The following CLOCK variants were observed in gnomAD, a reference collection of about 807,000 sequenced individuals.
CLOCK encodes circadian locomoter output cycles protein kaput.
CLOCK carries 43 observed loss-of-function variants against 118.4 expected under a neutral mutation model. The observed-to-expected ratio is 0.36, with a 90% CI of 0.28 to 0.47. The LOEUF is 0.47. CLOCK is among the 20% of genes least tolerant of loss of function. The probability of loss-of-function intolerance (pLI) is 1.00; values close to 1 mark genes in which losing one functional copy is unlikely to be tolerated. For missense variants in CLOCK, 846 were observed against 999.9 expected (o/e 0.85, Z 2.08); for synonymous variants, 326 against 339.2 (o/e 0.96, Z 0.43).
intron 1 of CLOCK, among the ~76,000 whole-genome samples, chr4:55,513,211 T>A (rs1729275622): frequency 6.6e-6 from 1 of 152,152 alleles, no homozygotes; most frequent in Non-Finnish European, 1.5e-5. Flanking sequence ...TTTACATTCC[T>A]TTTCTACATT....
At chr4:55,466,572 T>C (rs757288701) in intron 8 of CLOCK, among the ~76,000 whole-genome samples, 3 of 152,270 alleles carry the variant, frequency 2.0e-5, no homozygotes, top group Non-Finnish European at 4.4e-5. Flanking sequence ...TAAATTATGA[T>C]GTGACCTATC....
chr4:55,546,572 G>A (rs1731652263), intron 1 of CLOCK: 1 of 151,764 alleles, frequency 6.6e-6, no homozygotes, highest in African/African-American at 2.4e-5. Context: ...CTGTGTCCAG[G>A]AGGCGCCGCG....
intron 2 of CLOCK, among the ~76,000 whole-genome samples, chr4:55,507,273 A>C (rs1327897609): frequency 6.6e-6 from 1 of 152,002 alleles, no homozygotes; most frequent in Non-Finnish European, 1.5e-5. Flanking sequence ...ATGCCACTGC[A>C]CTCTGGCGTG....
chr4:55,460,942 G>A (rs1427390557), intron 9 of CLOCK, among the ~76,000 whole-genome samples: 1 of 91,270 alleles, frequency 1.1e-5, no homozygotes, highest in Middle Eastern at 4.9e-3. Context: ...TTTTTTTTTT[G>A]AGACAAAGTC....
chr4:55,511,122 G>A (rs901495985), intron 1 of CLOCK, among the ~76,000 whole-genome samples: 2 of 152,164 alleles, frequency 1.3e-5, no homozygotes, highest in Non-Finnish European at 2.9e-5. Flanking sequence ...ATCATCAAGC[G>A]TCCATTGTGC....
At chr4:55,462,323 A>G (rs1269666816) in intron 9 of CLOCK, among the ~76,000 whole-genome samples, 1 of 152,076 alleles carries the variant, frequency 6.6e-6, no homozygotes, top group Non-Finnish European at 1.5e-5. Context: ...GTCTCGCTCT[A>G]TCGCCCAGGC....
At chr4:55,546,099 T>C (rs749648637) in intron 1 of CLOCK, among the ~76,000 whole-genome samples, 53 of 152,112 alleles carry the variant, frequency 3.5e-4, no homozygotes, top group Non-Finnish European at 5.3e-4. Flanking sequence ...CGGCGCCCCA[T>C]TGGGCGCTGC....
chr4:55,534,136 GTAAT>G (rs1347658250), intron 1 of CLOCK, among the ~76,000 whole-genome samples: 18 of 152,100 alleles, frequency 1.2e-4, no homozygotes, highest in African/African-American at 3.9e-4. Flanking sequence ...CAGCACTGAA[GTAAT>G]TAATAATTAC....
intron 7 of CLOCK, among the ~76,000 whole-genome samples, chr4:55,475,754 TC>T (rs1490454767): frequency 1.3e-5 from 2 of 152,130 alleles, no homozygotes; most frequent in East Asian, 3.9e-4. Flanking sequence ...TTAGGTATGA[TC>T]AGTATTTTTT....
intron 13 of CLOCK, among the ~76,000 whole-genome samples, chr4:55,455,163 T>C (rs1724829207): frequency 6.6e-6 from 1 of 152,132 alleles, no homozygotes; most frequent in African/African-American, 2.4e-5. Context: ...GGTAAGCATC[T>C]GGGAGGAGGA....
At chr4:55,440,747 G>C (rs1314120629) in intron 21 of CLOCK, among the ~76,000 whole-genome samples, 1 of 152,140 alleles carries the variant, frequency 6.6e-6, no homozygotes, top group Non-Finnish European at 1.5e-5. Flanking sequence ...AATGTGATAA[G>C]AATATTTTCT....
intron 6 of CLOCK, among the ~76,000 whole-genome samples, chr4:55,478,609 A>G (rs1012560199): frequency 6.6e-6 from 1 of 152,170 alleles, no homozygotes; most frequent in Non-Finnish European, 1.5e-5. Context: ...CAGGACTGTT[A>G]CCCTGCATCA....
intron 4 of CLOCK, among the ~76,000 whole-genome samples, chr4:55,481,760 T>C (rs956888044): frequency 4.6e-5 from 7 of 152,230 alleles, no homozygotes; most frequent in African/African-American, 1.7e-4. Flanking sequence ...ACAACTTTAA[T>C]GTCAGACAAA....
At chr4:55,514,308 T>C (rs1729345079) in intron 1 of CLOCK, among the ~76,000 whole-genome samples, 2 of 152,100 alleles carry the variant, frequency 1.3e-5, no homozygotes, top group South Asian at 4.1e-4. Context: ...CAACACCTAA[T>C]TCAGTGACGC....
intron 1 of CLOCK, among the ~76,000 whole-genome samples, chr4:55,532,826 G>A (rs751886300): frequency 1.3e-5 from 2 of 151,978 alleles, no homozygotes; most frequent in Non-Finnish European, 2.9e-5. Context: ...CAGCCTAGGT[G>A]ACAGAGACCC....
chr4:55,491,995 C>T (rs993959124), intron 2 of CLOCK, among the ~76,000 whole-genome samples: 1 of 152,104 alleles, frequency 6.6e-6, no homozygotes, highest in Non-Finnish European at 1.5e-5. Flanking sequence ...TAATACCAAT[C>T]CCCCTCAAAT....
chr4:55,450,069 G>T, intron 16 of CLOCK, 22 bp downstream of exon 16: 2 of 1,613,906 alleles, frequency 1.2e-6, no homozygotes, highest in African/African-American at 2.7e-5. Context: ...AAGGAAGTCT[G>T]CTTTGAAGCA....
intron 1 of CLOCK, among the ~76,000 whole-genome samples, chr4:55,534,309 C>G (rs1372855956): frequency 6.6e-6 from 1 of 151,962 alleles, no homozygotes; most frequent in Non-Finnish European, 1.5e-5. Flanking sequence ...TCTAAAAGGC[C>G]AGCATTACCC....
Position 55,429,557 on chromosome 4 carries a change from A to G in CLOCK, c.*5858T>C, listed in dbSNP as rs1722378743. ...TTTTTTGTAGAAGTTTACAGCCTGT[A>G]TACATTATTCCGCCAAATTTAAGAA... On this transcript the variant is annotated 3_prime_UTR_variant, in exon 23 of 23. Coordinates refer to ENST00000513440, the MANE Select transcript of CLOCK (RefSeq NM_004898.4). 1 of 152,262 alleles carries G rather than the reference A, an allele frequency of 6.6e-6. No individual in the cohort carries two copies. The highest frequency in any genetic ancestry group is 2.4e-5 in the African/African-American group (1 of 41,476). 9.4% of individuals were successfully genotyped at this position (152,262 alleles called of 1,614,324 possible). A position where few individuals can be genotyped will look rare whatever the true frequency, so the allele number is the denominator to read the frequency against.
Sources: allele counts gnomAD v4.1 joint callset (sites outside exome capture counted in the v4.1 genomes callset), GRCh38; gene constraint gnomAD v4.1.1; transcripts MANE v1.5; gene names NCBI Gene and HGNC (gene_info 2026-07-23, HGNC 2026-07-21).